The following DNAJC13 variants were observed in gnomAD, a reference collection of about 807,000 sequenced individuals.
DNAJC13 encodes dnaJ homolog subfamily C member 13.
In DNAJC13, 75 loss-of-function variants were observed where a neutral mutation model predicts 290.5. The ratio of observed to expected loss-of-function variants is 0.26; its 90% confidence interval spans 0.21 to 0.31. The LOEUF (loss-of-function observed/expected upper bound fraction) is 0.31. DNAJC13 is among the 10% of genes least tolerant of loss of function. The probability of loss-of-function intolerance (pLI) is 1.00; values close to 1 mark genes in which losing one functional copy is unlikely to be tolerated. For missense variants in DNAJC13, 2,260 were observed against 2,674.5 expected (o/e 0.85, Z 3.42); for synonymous variants, 862 against 892.0 (o/e 0.97, Z 0.60).
At chr3:132,457,160 C>A in intron 12 of DNAJC13, 109 bp from the exon 13 acceptor site, 3 of 773,936 alleles carry the variant, frequency 3.9e-6, no homozygotes, top group East Asian at 2.8e-5. Flanking sequence ...ATTTAAAATA[C>A]GTCATTGTTC....
intron 20 of DNAJC13, among the ~76,000 whole-genome samples, chr3:132,471,698 A>C (rs1391563762): frequency 9.3e-6 from 1 of 107,818 alleles, no homozygotes; most frequent in Non-Finnish European, 1.9e-5. Context: ...GGCGGCTGGG[A>C]AGAGGCGCTC....
chr3:132,462,051 T>C (rs2107674457), intron 15 of DNAJC13, among the ~76,000 whole-genome samples: 1 of 152,274 alleles, frequency 6.6e-6, no homozygotes, highest in East Asian at 1.9e-4. Context: ...CCCTTTTCTT[T>C]ACAAATTCCC....
intron 20 of DNAJC13, among the ~76,000 whole-genome samples, chr3:132,469,963 C>CTTTTTTTTTTTTTTTTTT (rs61726289): frequency 3.4e-4 from 21 of 61,156 alleles, no homozygotes; most frequent in South Asian, 7.0e-4. Context: ...AGCAGAGATT[C>CTTTTTTTTTTTTTTTTTT]TTTTTTTTTT....
At chr3:132,517,634 T>G (rs1294156349) in intron 48 of DNAJC13, among the ~76,000 whole-genome samples, 1 of 152,104 alleles carries the variant, frequency 6.6e-6, no homozygotes, top group African/African-American at 2.4e-5. Flanking sequence ...GGACTGATAT[T>G]TAGGGATCAT....
intron 51 of DNAJC13, 104 bp downstream of exon 51, chr3:132,523,817 C>T: frequency 8.6e-7 from 1 of 1,161,596 alleles, no homozygotes; most frequent in African/African-American, 1.6e-5. Context: ...AGGAATTGGC[C>T]AGCTCTTTCA....
At chr3:132,488,160 G>C in intron 29 of DNAJC13, 138 bp from the exon 30 acceptor site, 2 of 624,936 alleles carry the variant, frequency 3.2e-6, no homozygotes, top group Non-Finnish European at 5.1e-6. Flanking sequence ...GGGTCTGGTA[G>C]ATGAGCTTAC....
At position 132,482,334 on chromosome 3, in the gene DNAJC13, T is replaced by G; in HGVS notation, c.2979+4T>G. The G allele has an allele frequency of 6.2e-7, 1 of 1,610,862 alleles. No individual in the cohort carries two copies. The highest frequency in any genetic ancestry group is 8.5e-7 in the Non-Finnish European group (1 of 1,177,610). Reference sequence around the variant, plus strand: ...TGGCCCGTATGGATTTCATGAGGTATGTATCTTGGAGATACTTTTGGTGAA... The same window carrying G: ...TGGCCCGTATGGATTTCATGAGGTAGGTATCTTGGAGATACTTTTGGTGAA... On this transcript the variant is annotated splice_donor_region_variant and intron_variant, in intron 27 of 55. Coordinates refer to ENST00000260818, the MANE Select transcript of DNAJC13 (RefSeq NM_015268.4).
chr3:132,521,866 C>T (rs559946599), intron 48 of DNAJC13, among the ~76,000 whole-genome samples: 1 of 152,100 alleles, frequency 6.6e-6, no homozygotes, highest in Non-Finnish European at 1.5e-5. Flanking sequence ...CCATGGGAAC[C>T]CCAGGAGAAA....
In DNAJC13 at chr3:132,526,106, C is replaced by T. The variant is rs748153384; in HGVS notation, c.6241-35C>T. ...ATTTACTATGTTATATAAATATTGC[C>T]AGTCTACAAGTAACCTTCTCTTTTG... is the stretch of plus-strand genomic sequence containing the variant. On this transcript the variant is annotated intron_variant, in intron 52 of 55. Transcript: ENST00000260818. 7 of 1,607,856 alleles carry T rather than the reference C, an allele frequency of 4.4e-6. No individual in the cohort carries two copies. In the Admixed American group the frequency reaches 5.1e-5, roughly 12 times the overall value.
At chr3:132,430,065 A>C (rs149491247) in intron 1 of DNAJC13, among the ~76,000 whole-genome samples, 12 of 152,262 alleles carry the variant, frequency 7.9e-5, no homozygotes, top group African/African-American at 2.2e-4. Flanking sequence ...CAGGAATACA[A>C]TATTTATTCT....
chr3:132,534,537 A>G (rs1576528982), intron 55 of DNAJC13, among the ~76,000 whole-genome samples: 2 of 152,196 alleles, frequency 1.3e-5, no homozygotes, highest in South Asian at 2.1e-4. Flanking sequence ...GCATGCCTGT[A>G]GTCCCACCTA....
rs1334876675 is a variant in DNAJC13 at position 132,460,976 on chromosome 3, A to T, written c.1558-74A>T. On this transcript the variant is annotated intron_variant, in intron 14 of 55. Transcript: ENST00000260818. ...CTGACATATAGAATAACAGAAAGGA[A>T]CACATTATTGTTAAAATTTAACTGA... 27 of 1,378,826 alleles carry T rather than the reference A, an allele frequency of 2.0e-5. 1 individual carries two copies. The East Asian group carries it at 6.2e-4, about 32-fold the overall frequency. 85.4% of individuals were successfully genotyped at this position (1,378,826 alleles called of 1,614,324 possible).
At chr3:132,530,846 A>G (rs1936393174) in intron 54 of DNAJC13, 152 bp from the exon 55 acceptor site, 5 of 623,468 alleles carry the variant, frequency 8.0e-6, no homozygotes, top group East Asian at 2.8e-5. Context: ...AGTGCCTGCT[A>G]TGGAGTGTTT....
At chr3:132,530,838 T>C (rs1402101577) in intron 54 of DNAJC13, among the ~76,000 whole-genome samples, 160 bp from the exon 55 acceptor site, 1 of 152,246 alleles carries the variant, frequency 6.6e-6, no homozygotes, top group Non-Finnish European at 1.5e-5. Context: ...TCTGGCATAG[T>C]GCCTGCTATG....
intron 9 of DNAJC13, among the ~76,000 whole-genome samples, chr3:132,455,483 A>C (rs1178042578): frequency 6.6e-6 from 1 of 152,252 alleles, no homozygotes; most frequent in East Asian, 1.9e-4. Flanking sequence ...TTCCACTTTT[A>C]GGTATCTATC....
intron 43 of DNAJC13, 120 bp downstream of exon 43, chr3:132,507,473 C>CTTT: frequency 2.1e-5 from 11 of 531,430 alleles, no homozygotes; most frequent in East Asian, 1.0e-4. Context: ...TACTGTGCTG[C>CTTT]TTTTTTTTTT....
intron 1 of DNAJC13, among the ~76,000 whole-genome samples, chr3:132,422,751 T>G (rs984180215): frequency 3.3e-5 from 5 of 152,204 alleles, no homozygotes; most frequent in Non-Finnish European, 7.3e-5. Flanking sequence ...CCATATAGCT[T>G]GCTAGTAATT....
intron 26 of DNAJC13, among the ~76,000 whole-genome samples, 158 bp downstream of exon 26, chr3:132,480,628 C>G (rs1292293444): frequency 6.6e-6 from 1 of 152,266 alleles, no homozygotes; most frequent in East Asian, 1.9e-4. Context: ...AGATGTGAAA[C>G]CACTGTAAGA....
chr3:132,450,803 T>G lies in DNAJC13; in HGVS notation c.493T>G (p.Tyr165Asp), dbSNP rs753475492. The G allele has an allele frequency of 8.7e-6, 14 of 1,602,370 alleles. No individual in the cohort carries two copies. Among genetic ancestry groups the G allele is most frequent in the Admixed American group, 1.7e-5 (1 of 59,764 alleles). ...TGAAGGATTTGTAGATCTCTCAGAT[T>G]ATCAAGGAGGATTTTGTATACTTTA... ...NIEGFVDLSD[Y>D]QGGFCILYGG... is the part of the protein sequence containing the mutation. Residue 165 changes from tyrosine to aspartate, a missense_variant, in exon 6 of 56, where the codon TAT (tyrosine) becomes GAT (aspartate). By Grantham distance (160) the Tyr-to-Asp change is radical (BLOSUM62 -3). Coordinates refer to ENST00000260818, the MANE Select transcript of DNAJC13 (RefSeq NM_015268.4).
Sources: allele counts gnomAD v4.1 joint callset (sites outside exome capture counted in the v4.1 genomes callset), GRCh38; gene constraint gnomAD v4.1.1; transcripts MANE v1.5; gene names NCBI Gene and HGNC (gene_info 2026-07-23, HGNC 2026-07-21).